Variants in PSD2 observed in about 807,000 individuals in gnomAD.
PSD2 encodes the protein pleckstrin and Sec7 domain containing 2.
PSD2 carries 38 observed loss-of-function variants against 69.8 expected under a neutral mutation model. The observed-to-expected ratio is 0.54, with a 90% CI of 0.42 to 0.71. The LOEUF (loss-of-function observed/expected upper bound fraction) is 0.71, where lower values mean the gene tolerates loss of function less well. PSD2 is among the 30% of genes least tolerant of loss of function. The pLI, the probability that PSD2 is intolerant of heterozygous loss-of-function variation, is 0.00. For missense variants in PSD2, 943 were observed against 1,014.5 expected, an observed-to-expected ratio of 0.93 and a Z score of 0.96; for synonymous variants, 412 against 423.0, an observed-to-expected ratio of 0.97 and a Z score of 0.32.
intron 7 of PSD2, among the ~76,000 whole-genome samples, chr5:139,823,366 C>T (rs559627451): frequency 6.6e-6 from 1 of 152,272 alleles, no homozygotes; most frequent in Non-Finnish European, 1.5e-5. Context: ...CCCCCATCAC[C>T]ATGTTGCCCT....
Position 139,837,813 on chromosome 5 carries a change from C to T in PSD2, c.1823+31C>T. On this transcript the variant is annotated intron_variant, in intron 12 of 14. Transcript: ENST00000274710. The surrounding 1 kb of genome is among the most constrained non-coding windows in gnomAD (Gnocchi z 5.0). ...TAGGAGCTGGAGCCCTTCACTCCCACCTGGGGCCCAGGGCCACAGTGACCC... is the reference window on the plus strand; with the variant it reads ...TAGGAGCTGGAGCCCTTCACTCCCATCTGGGGCCCAGGGCCACAGTGACCC... The T allele has an allele frequency of 1.9e-6, 3 of 1,587,614 alleles. No homozygotes were observed. The highest frequency in any genetic ancestry group is 2.6e-6 in the Non-Finnish European group (3 of 1,162,124).
intron 8 of PSD2, 105 bp from the exon 9 acceptor site, chr5:139,835,618 T>C (rs930425176): frequency 8.6e-7 from 1 of 1,161,386 alleles, no homozygotes; most frequent in East Asian, 2.4e-5. Context: ...CTTTGCCCCA[T>C]TGGCTGAAAA....
rs1406585243 is a variant in PSD2 at position 139,842,450 on chromosome 5, G to A, written c.2292G>A (p.Lys764=). 6.2e-7 allele frequency: 1 copy of A among 1,614,136 alleles called. No individual in the cohort carries two copies. ...QGHVTGSKTT[K]DATGPDT ...ATGTGACTGGCAGCAAAACCACAAA[G>A]GATGCCACTGGGCCTGATACTTAGC... The change falls in exon 15 of 15, where the codon AAG becomes AAA. Residue 764 remains lysine (K), a synonymous_variant. Transcript: ENST00000274710.
At chr5:139,790,171 C>T in the PSD2 span, among the ~76,000 whole-genome samples, 1 of 152,100 alleles carries the variant, frequency 6.6e-6, no homozygotes, top group African/African-American at 2.4e-5. Context: ...GTAATCCCAG[C>T]ACTTTGGGAG....
chr5:139,816,116 A>G lies in PSD2; in HGVS notation c.1017-1365A>G, dbSNP rs576225967. Among the ~76,000 whole-genome samples the G allele has an allele frequency of 7.9e-5, 12 of 151,966 alleles. No homozygotes were observed. In the South Asian group the frequency reaches 2.3e-3, roughly 29 times the overall value. Reference sequence around the variant, plus strand: ...TTACTATTTGCTTCATTCTCATTTCATCTATGACCCACAGCCTTTTTTTCA... The same window carrying G: ...TTACTATTTGCTTCATTCTCATTTCGTCTATGACCCACAGCCTTTTTTTCA... On this transcript the variant is annotated intron_variant, in intron 4 of 14. Transcript: ENST00000274710.
At chr5:139,799,731 T>G (rs1759620626) in intron 1 of PSD2, among the ~76,000 whole-genome samples, 4 of 145,780 alleles carry the variant, frequency 2.7e-5, no homozygotes, top group African/African-American at 7.6e-5. Context: ...ATAGAGAGAG[T>G]GGAGTTGTGT....
chr5:139,784,054 A>C, the PSD2 span, among the ~76,000 whole-genome samples: 1 of 141,598 alleles, frequency 7.1e-6, no homozygotes, highest in Non-Finnish European at 1.5e-5. Flanking sequence ...TGATCCTCCC[A>C]CCCTAGCCTC....
At chr5:139,840,693 G>A (rs961691790) in intron 14 of PSD2, among the ~76,000 whole-genome samples, 22 of 151,880 alleles carry the variant, frequency 1.4e-4, no homozygotes, top group African/African-American at 5.3e-4. Flanking sequence ...TGGGATTACA[G>A]GCACATGCCA....
chr5:139,803,850 A>T (rs1052146208), intron 1 of PSD2, among the ~76,000 whole-genome samples: 6 of 151,950 alleles, frequency 3.9e-5, no homozygotes, highest in Admixed American at 3.9e-4. Context: ...GGGCTTAGGG[A>T]GGGGGCCTGG....
At chr5:139,765,768 G>A in the PSD2 span, among the ~76,000 whole-genome samples, 3 of 152,162 alleles carry the variant, frequency 2.0e-5, no homozygotes, top group Admixed American at 1.3e-4. Flanking sequence ...TTCCGGGGGG[G>A]TTCCTCCCGG....
chr5:139,766,912 CCTTCCTTCCTTCCTTCCCTT>C, the PSD2 span, among the ~76,000 whole-genome samples: 87 of 64,836 alleles, frequency 1.3e-3, 5 homozygotes, highest in East Asian at 3.3e-3. Context: ...TCCCTCCCTT[CCTTCCTTCCTTCCTTCCCTT>C]CTTTCTTTCT....
the PSD2 span, among the ~76,000 whole-genome samples, chr5:139,780,593 A>G: frequency 1.3e-5 from 2 of 152,018 alleles, no homozygotes; most frequent in African/African-American, 4.8e-5. Context: ...ACAGGCACGC[A>G]GCACCATGCC....
Position 139,836,821 on chromosome 5 carries a change from G to A in PSD2, c.1414G>A (p.Glu472Lys), listed in dbSNP as rs1581739643. Residue 472 changes from glutamate (E) to lysine (K), a missense_variant, in exon 10 of 15, where the codon GAG becomes AAG. Physicochemically the swap from Glu to Lys is moderately conservative, Grantham distance 56 (BLOSUM62 1). Transcript: ENST00000274710. ...EKLEWAIDED[E>K]LRKSLSELVD... Reference sequence around the variant, plus strand: ...CTAGTACTTCCCTAGTGATGAGGATGAGCTGAGGAAATCCCTGTCTGAGCT... The same window carrying A: ...CTAGTACTTCCCTAGTGATGAGGATAAGCTGAGGAAATCCCTGTCTGAGCT... 6.2e-7 allele frequency: 1 copy of A among 1,614,046 alleles called. No individual in the cohort carries two copies.
chr5:139,760,469 A>G, the PSD2 span, among the ~76,000 whole-genome samples: 1 of 152,020 alleles, frequency 6.6e-6, no homozygotes, highest in East Asian at 1.9e-4. Flanking sequence ...GGAGCCCTGC[A>G]TTTCCTGTCT....
At chr5:139,787,895 G>T in the PSD2 span, among the ~76,000 whole-genome samples, 2 of 152,260 alleles carry the variant, frequency 1.3e-5, no homozygotes, top group Non-Finnish European at 2.9e-5. Context: ...GGGCAAAGTT[G>T]AGGAAATACC....
intron 2 of PSD2, among the ~76,000 whole-genome samples, chr5:139,811,158 G>C (rs1036859408): frequency 1.3e-5 from 2 of 152,168 alleles, no homozygotes; most frequent in African/African-American, 4.8e-5. Flanking sequence ...GGTCAGTAGA[G>C]GAAACTTCCA....
chr5:139,790,404 G>A, the PSD2 span, among the ~76,000 whole-genome samples: 10 of 152,006 alleles, frequency 6.6e-5, no homozygotes, highest in African/African-American at 2.4e-4. Context: ...GAAGCTTCAG[G>A]GTTTAGCTGG....
At chr5:139,783,943 CTTTT>C in the PSD2 span, among the ~76,000 whole-genome samples, 4,344 of 87,806 alleles carry the variant, frequency 0.049, 191 homozygotes, top group African/African-American at 0.11. Context: ...TCTGCTAGCT[CTTTT>C]TTTTTTTTTT....
rs750559883 is a variant in PSD2, at chr5:139,814,378, C to T, written c.1016+14C>T. ...GCTGGGCAAGAAGTGAGTGTGAGCT[C>T]CCCTGCCCCCAACCCTGGGCAAACC... On this transcript the variant is annotated intron_variant, in intron 4 of 14. Coordinates refer to ENST00000274710, the MANE Select transcript of PSD2 (RefSeq NM_032289.4). The surrounding 1 kb of genome is among the most constrained non-coding windows in gnomAD (Gnocchi z 4.4). 2.3e-5 allele frequency: 36 copies of T among 1,582,504 alleles called. No homozygotes were observed. The highest frequency in any genetic ancestry group is 4.1e-5 in the African/African-American group (3 of 73,594).
Sources: allele counts gnomAD v4.1 joint callset (sites outside exome capture counted in the v4.1 genomes callset), GRCh38; gene constraint gnomAD v4.1.1; non-coding constraint Gnocchi (gnomAD v3.1); transcripts MANE v1.5; gene names NCBI Gene and HGNC (gene_info 2026-07-23, HGNC 2026-07-21).